The following TNRC6C variants were observed in gnomAD, a reference collection of about 807,000 sequenced individuals.
TNRC6C encodes trinucleotide repeat containing adaptor 6C.
TNRC6C carries 20 observed loss-of-function variants against 153.7 expected under a neutral mutation model. That is an observed-to-expected ratio of 0.13 (90% CI 0.09 to 0.19). TNRC6C has a LOEUF of 0.19. Among genes scored for constraint, TNRC6C ranks in the 10% least tolerant of loss-of-function variants. TNRC6C has a pLI of 1.00. For missense variants in TNRC6C, 1,987 were observed against 2,172.0 expected, an observed-to-expected ratio of 0.91 and a Z score of 1.69; for synonymous variants, 811 against 841.4, an observed-to-expected ratio of 0.96 and a Z score of 0.63.
chr17:78,002,950 T>C (rs2071435210), upstream of TNRC6C, among the ~76,000 whole-genome samples: 1 of 151,846 alleles, frequency 6.6e-6, no homozygotes, highest in Middle Eastern at 3.4e-3. Context: ...AAAGGAAGAG[T>C]CAGGAAATGG....
At chr17:78,017,953 A>C (rs1457331033) in intron 1 of TNRC6C, among the ~76,000 whole-genome samples, 1 of 152,196 alleles carries the variant, frequency 6.6e-6, no homozygotes, top group Non-Finnish European at 1.5e-5. Flanking sequence ...AGCTTTCTGA[A>C]TCCCTAAATT....
chr17:78,075,584 A>G lies in TNRC6C; in HGVS notation c.3060+306A>G, dbSNP rs1184936023. Among the ~76,000 whole-genome samples, 1 of 152,176 alleles carries G rather than the reference A, an allele frequency of 6.6e-6. No homozygotes were observed. The highest frequency in any genetic ancestry group is 2.4e-5 in the African/African-American group (1 of 41,432). On this transcript the variant is annotated intron_variant, in intron 8 of 19. Coordinates refer to ENST00000301624, the Ensembl canonical transcript of TNRC6C. This position sits in a 1 kb window ranked among gnomAD's most constrained non-coding sequence, Gnocchi z 4.2. ...AGGGTCATCAAATTTCCATTTTACTATCTCATTTTAAAAACACAGATCTTC... is the reference window on the plus strand; with the variant it reads ...AGGGTCATCAAATTTCCATTTTACTGTCTCATTTTAAAAACACAGATCTTC...
chr17:78,045,487 C>A (rs370339386), intron 2 of TNRC6C, among the ~76,000 whole-genome samples: 4 of 152,110 alleles, frequency 2.6e-5, no homozygotes. Context: ...TCTGAGTAGG[C>A]GGCGTCATTG....
chr17:78,097,220 C>T (rs917857799), intron 16 of TNRC6C, among the ~76,000 whole-genome samples: 6 of 152,004 alleles, frequency 3.9e-5, no homozygotes, highest in Non-Finnish European at 5.9e-5. Flanking sequence ...GCAACAGCCC[C>T]ATCTCTTAAA....
At chr17:77,959,683 A>T (rs1232627844) in intron 1 of TNRC6C, among the ~76,000 whole-genome samples, 1 of 151,420 alleles carries the variant, frequency 6.6e-6, no homozygotes, top group Non-Finnish European at 1.5e-5. Context: ...GGAAGAGAAA[A>T]ACCCGGGGCG....
chr17:77,963,230 T>C lies in TNRC6C; in HGVS notation c.-38+3962T>C, dbSNP rs562083671. On this transcript the variant is annotated intron_variant, in intron 1 of 22. Coordinates refer to the TNRC6C transcript ENST00000636222. ...CTTGTCAGAAATAACTATATAACCTTGTGCAGAAAGTGTATATCTGAAATT... is the reference window on the plus strand; with the variant it reads ...CTTGTCAGAAATAACTATATAACCTCGTGCAGAAAGTGTATATCTGAAATT... Among the ~76,000 whole-genome samples the C allele has an allele frequency of 2.0e-3, 312 of 152,220 alleles. 1 individual carries two copies. The highest frequency in any genetic ancestry group is 3.4e-3 in the Non-Finnish European group (232 of 68,026).
At chr17:78,015,277 A>G (rs926277366) in intron 1 of TNRC6C, among the ~76,000 whole-genome samples, 9 of 152,180 alleles carry the variant, frequency 5.9e-5, no homozygotes, top group African/African-American at 1.9e-4. Context: ...CATCTATTCA[A>G]TAACGTCCTG....
chr17:78,019,124 G>A (rs767735477), intron 1 of TNRC6C, among the ~76,000 whole-genome samples: 1 of 152,180 alleles, frequency 6.6e-6, no homozygotes, highest in African/African-American at 2.4e-5. Flanking sequence ...TACAGATGAC[G>A]ATATTGAAGT....
At chr17:78,021,686 C>T (rs375475614) in intron 1 of TNRC6C, among the ~76,000 whole-genome samples, 60 of 152,306 alleles carry the variant, frequency 3.9e-4, no homozygotes, top group African/African-American at 1.4e-3. Context: ...TATTCTGCCT[C>T]AGCCTCCCAA....
At chr17:77,958,408 G>T (rs949671213), upstream of TNRC6C, among the ~76,000 whole-genome samples, 1 of 151,880 alleles carries the variant, frequency 6.6e-6, no homozygotes, top group Non-Finnish European at 1.5e-5. Context: ...CTCGGAGCGC[G>T]CACCGCTCGC....
chr17:77,990,799 A>G (rs1235144768), intron 1 of TNRC6C, among the ~76,000 whole-genome samples: 2 of 152,200 alleles, frequency 1.3e-5, no homozygotes, highest in African/African-American at 4.8e-5. Flanking sequence ...AACTATGGCA[A>G]TTTGTCTTCC....
rs760869039 is a variant in TNRC6C at position 78,102,558 on chromosome 17, C to T, written c.4572+14C>T. 6.3e-7 allele frequency: 1 copy of T among 1,592,222 alleles called. No individual in the cohort carries two copies. Among genetic ancestry groups the T allele is most frequent in the Non-Finnish European group, 8.6e-7 (1 of 1,169,274 alleles). ...CTCACTCCCCAGGTGCAATATGGTG[C>T]CCCTGCATCACTGAGCATGATCCAG... On this transcript the variant is annotated intron_variant, in intron 18 of 19. Transcript: ENST00000301624.
chr17:78,013,325 G>A (rs1452712151), intron 1 of TNRC6C, among the ~76,000 whole-genome samples: 1 of 152,152 alleles, frequency 6.6e-6, no homozygotes, highest in Non-Finnish European at 1.5e-5. Flanking sequence ...ATTAAACAGA[G>A]GAGGAGAGAG....
At chr17:78,105,028 G>A (rs1286820302) in exon 20 of TNRC6C, 4 of 623,098 alleles carry the variant, frequency 6.4e-6, no homozygotes, top group Non-Finnish European at 9.4e-6. Context: ...GCTGCGGTGG[G>A]TCAGCGTCAC....
chr17:78,024,760 G>A (rs963212055), intron 1 of TNRC6C, among the ~76,000 whole-genome samples: 2 of 151,550 alleles, frequency 1.3e-5, no homozygotes, highest in Non-Finnish European at 2.9e-5. Flanking sequence ...TCCCATATTT[G>A]TGTGGAACAT....
chr17:77,992,071 G>A (rs8066262), intron 1 of TNRC6C, among the ~76,000 whole-genome samples: 1,790 of 152,312 alleles, frequency 0.012, 33 homozygotes, highest in African/African-American at 0.041. Context: ...GCCCAGTGCT[G>A]AGTAAATGAC....
chr17:77,992,929 A>G (rs950166713), intron 1 of TNRC6C, among the ~76,000 whole-genome samples: 1 of 152,160 alleles, frequency 6.6e-6, no homozygotes, highest in African/African-American at 2.4e-5. Context: ...ATGTGGTTCC[A>G]TTAAAGTCTT....
chr17:78,081,608 GA>G (rs756605219), intron 10 of TNRC6C, among the ~76,000 whole-genome samples: 14 of 152,106 alleles, frequency 9.2e-5, no homozygotes, highest in Non-Finnish European at 2.1e-4. Flanking sequence ...GCAGTGCAGG[GA>G]TCGGGGGTGA....
intron 1 of TNRC6C, among the ~76,000 whole-genome samples, chr17:77,973,410 G>GGAAT (rs1444515626): frequency 3.9e-5 from 6 of 152,130 alleles, no homozygotes; most frequent in African/African-American, 1.2e-4. Context: ...AGTGAATGAC[G>GGAAT]GAATGCTTTC....
Sources: allele counts gnomAD v4.1 joint callset (sites outside exome capture counted in the v4.1 genomes callset), GRCh38; gene constraint gnomAD v4.1.1; non-coding constraint Gnocchi (gnomAD v3.1); transcripts MANE v1.5; gene names NCBI Gene and HGNC (gene_info 2026-07-23, HGNC 2026-07-21).